Variants in BLTP3B observed in about 807,000 individuals in gnomAD.
BLTP3B encodes UHRF1 (ICBP90) binding protein 1-like.
chr12:100,040,055 G>A, the BLTP3B span, among the ~76,000 whole-genome samples: 4 of 151,912 alleles, frequency 2.6e-5, no homozygotes, highest in African/African-American at 9.7e-5. Context: ...TTATATTAAA[G>A]GTTTATTCGA....
At chr12:100,103,848 T>A in the BLTP3B span, 4 of 1,298,024 alleles carry the variant, frequency 3.1e-6, no homozygotes, top group Non-Finnish European at 4.2e-6. Context: ...AAGATTACTA[T>A]GAACAGAGTA....
the BLTP3B span, among the ~76,000 whole-genome samples, chr12:100,122,920 G>T: frequency 6.6e-6 from 1 of 152,114 alleles, no homozygotes; most frequent in African/African-American, 2.4e-5. Flanking sequence ...AGCTCCCTGT[G>T]CCTGGCATGC....
chr12:100,103,791 A>G, the BLTP3B span: 1 of 816,240 alleles, frequency 1.2e-6, no homozygotes, highest in Non-Finnish European at 1.8e-6. Context: ...TCAAAATAAA[A>G]TGAAACCTAA....
chr12:100,084,185 T>C, the BLTP3B span, among the ~76,000 whole-genome samples: 56 of 150,256 alleles, frequency 3.7e-4, no homozygotes, highest in Admixed American at 8.6e-4. Context: ...TGAGACCCTG[T>C]CTCAAAGAAA....
chr12:100,055,312 A>G, the BLTP3B span, among the ~76,000 whole-genome samples: 1 of 152,180 alleles, frequency 6.6e-6, no homozygotes, highest in African/African-American at 2.4e-5. Flanking sequence ...TTCCTACCTC[A>G]ATTTATTTGA....
the BLTP3B span, chr12:100,095,691 C>A: frequency 5.0e-6 from 8 of 1,612,970 alleles, no homozygotes; most frequent in East Asian, 1.3e-4. Context: ...GAGCCATACT[C>A]TTCCTTTGTT....
At chr12:100,072,425 G>A in the BLTP3B span, among the ~76,000 whole-genome samples, 12 of 151,842 alleles carry the variant, frequency 7.9e-5, no homozygotes, top group African/African-American at 2.9e-4. Flanking sequence ...GAACAATAGG[G>A]GCTGGGCACA....
At chr12:100,140,656 G>A in the BLTP3B span, among the ~76,000 whole-genome samples, 2 of 123,098 alleles carry the variant, frequency 1.6e-5, no homozygotes, top group African/African-American at 3.1e-5. Context: ...CGTGAGCCGA[G>A]ATCATGCCAT....
chr12:100,075,652 C>A, the BLTP3B span, among the ~76,000 whole-genome samples: 1 of 152,138 alleles, frequency 6.6e-6, no homozygotes, highest in Non-Finnish European at 1.5e-5. Flanking sequence ...AAAAACCAAA[C>A]ACCATTAAAA....
the BLTP3B span, among the ~76,000 whole-genome samples, chr12:100,038,983 ACT>A: frequency 6.6e-6 from 1 of 152,050 alleles, no homozygotes; most frequent in African/African-American, 2.4e-5. Context: ...CCAATTGAAC[ACT>A]CTTGTCCCAC....
the BLTP3B span, among the ~76,000 whole-genome samples, chr12:100,080,375 CAG>C: frequency 2.0e-5 from 3 of 148,032 alleles, no homozygotes; most frequent in Non-Finnish European, 4.5e-5. Flanking sequence ...TGTTTTGAGA[CAG>C]AGTCTTGCTC....
At chr12:100,070,701 A>G in the BLTP3B span, among the ~76,000 whole-genome samples, 8 of 152,170 alleles carry the variant, frequency 5.3e-5, no homozygotes, top group Non-Finnish European at 1.0e-4. Flanking sequence ...AACTAAAAAC[A>G]TATATTAATA....
At chr12:100,092,887 A>G in the BLTP3B span, 4 of 984,932 alleles carry the variant, frequency 4.1e-6, no homozygotes, top group East Asian at 2.3e-4. Flanking sequence ...TTCAGCTTCA[A>G]AATGACTTTT....
chr12:100,051,729 A>C, the BLTP3B span: 2 of 152,302 alleles, frequency 1.3e-5, no homozygotes, highest in African/African-American at 4.8e-5. Context: ...ATCAGGGGTT[A>C]AGAAGACATC....
the BLTP3B span, among the ~76,000 whole-genome samples, chr12:100,109,159 CCTCTCTCTCTCTCTCTCTCTCTCTCT>C: frequency 6.0e-3 from 395 of 65,374 alleles, 1 homozygote; most frequent in African/African-American, 0.015. Context: ...TGGCAGTTTT[CCTCTCTCTCTCTCTCTCTCTCTCTCT>C]CTCTCTCTCT....
the BLTP3B span, among the ~76,000 whole-genome samples, chr12:100,039,381 A>C: frequency 2.6e-5 from 4 of 152,186 alleles, no homozygotes; most frequent in Non-Finnish European, 5.9e-5. Context: ...AAATCACAAA[A>C]ATACTGAGAT....
At chr12:100,050,064 T>C in the BLTP3B span, 1 of 1,163,930 alleles carries the variant, frequency 8.6e-7, no homozygotes, top group South Asian at 2.3e-5. Flanking sequence ...GTAATTTTCC[T>C]TGAATTCAAT....
At chr12:100,048,322 G>C in the BLTP3B span, 1 of 1,016,936 alleles carries the variant, frequency 9.8e-7, no homozygotes, top group South Asian at 2.4e-5. Context: ...ATACTCTATA[G>C]TACATATACA....
the BLTP3B span, chr12:100,057,879 G>T: frequency 7.8e-7 from 1 of 1,283,582 alleles, no homozygotes; most frequent in Non-Finnish European, 1.1e-6. Context: ...AGCTCAAAGT[G>T]TTTTCATATT....
Sources: gnomAD v4.1 joint callset for allele counts (sites outside exome capture counted in the v4.1 genomes callset) on GRCh38, gnomAD v4.1.1 for gene constraint, MANE v1.5 for transcripts, NCBI Gene and HGNC (gene_info 2026-07-23, HGNC 2026-07-21) for gene names.